The following GPC1 variants were observed in gnomAD, a reference collection of about 807,000 sequenced individuals.
GPC1 encodes the protein glypican-1.
Under a neutral mutation model 51.5 loss-of-function variants are expected in GPC1, and 26 were observed. That is an observed-to-expected ratio of 0.50 (90% CI 0.37 to 0.70). The LOEUF is 0.70. Ranked by LOEUF, GPC1 falls within the 30% of genes least tolerant of loss-of-function variation. The probability of loss-of-function intolerance (pLI) is 0.00; values close to 1 mark genes in which losing one functional copy is unlikely to be tolerated. For synonymous variants in GPC1, 380 were observed against 348.3 expected, an observed-to-expected ratio of 1.09 and a Z score of -1.01; for missense variants, 775 against 800.5, an observed-to-expected ratio of 0.97 and a Z score of 0.38.
intron 3 of GPC1, 89 bp from the exon 4 acceptor site, chr2:240,463,258 G>GC: frequency 8.7e-7 from 1 of 1,145,230 alleles, no homozygotes; most frequent in Admixed American, 2.1e-5. Context: ...TCCCTCCAGA[G>GC]CCCCCTACCC....
chr2:240,455,858 A>C (rs2074154734), intron 1 of GPC1: 3 of 285,526 alleles, frequency 1.1e-5, no homozygotes, highest in South Asian at 7.8e-5. Context: ...GGAGCTCCGC[A>C]GAAGGAAGCC....
chr2:240,466,289 A>G lies in GPC1; in HGVS notation c.1676A>G (p.Ter559=). 1 of 1,546,624 alleles carries G rather than the reference A, an allele frequency of 6.5e-7. No individual in the cohort carries two copies. Among genetic ancestry groups the G allele is most frequent in the Non-Finnish European group, 8.9e-7 (1 of 1,119,346 alleles). ...ALTVARPRWR[*] ...ACAGTAGCCAGGCCCCGGTGGCGGT[A>G]ACTGCCCCAAGGCCCCAGGGACAGA... Residue 559 remains the stop codon, a stop_retained_variant, in exon 9 of 9, where the codon TAA becomes TGA. Transcript: ENST00000264039.
Position 240,462,387 on chromosome 2 carries a change from C to G in GPC1, c.522C>G (p.Leu174=). The G allele has an allele frequency of 6.3e-7, 1 of 1,596,302 alleles. No individual in the cohort carries two copies. Among genetic ancestry groups the G allele is most frequent in the Non-Finnish European group, 8.5e-7 (1 of 1,172,134 alleles). The change falls in exon 3 of 9, where the codon CTC becomes CTG. Residue 174 remains leucine, a synonymous_variant. Coordinates refer to ENST00000264039, the MANE Select transcript of GPC1 (RefSeq NM_002081.3). ...TCTGGGCCCGCCTGCTCGAGCGCCT[C>G]TTCAAGCAGCTGCACCCCCAGCTGC... ...AEFWARLLER[L]FKQLHPQLLL...
At chr2:240,464,246 A>G (rs1352778798) in intron 4 of GPC1, 4 of 308,290 alleles carry the variant, frequency 1.3e-5, no homozygotes, top group African/African-American at 2.1e-5. Context: ...CATACACACC[A>G]GCTCACACGG....
intron 1 of GPC1, among the ~76,000 whole-genome samples, chr2:240,439,059 T>C (rs2074001821): frequency 6.6e-6 from 1 of 152,180 alleles, no homozygotes; most frequent in Admixed American, 6.5e-5. Flanking sequence ...GCATAGGTGT[T>C]CCCAGAGCAC....
intron 1 of GPC1, chr2:240,457,383 CTT>C: frequency 2.2e-6 from 1 of 460,854 alleles, no homozygotes; most frequent in Middle Eastern, 3.3e-4. Context: ...GTTCCCTTCT[CTT>C]GTCTCGGGCT....
rs372723073 is a variant in GPC1 at position 240,462,561 on chromosome 2, C to T, written c.696C>T (p.Asp232=). ...TGCAGGGCCTGGGCGTGGCCAGCGACGTGGTCCGGAAAGTGGCTCAGGTGC... is the reference window on the plus strand; with the variant it reads ...TGCAGGGCCTGGGCGTGGCCAGCGATGTGGTCCGGAAAGTGGCTCAGGTGC... ...SFVQGLGVAS[D]VVRKVAQVPL... The change falls in exon 3 of 9, where the codon GAC becomes GAT. Residue 232 remains aspartate (D), a synonymous_variant. Coordinates refer to ENST00000264039, the MANE Select transcript of GPC1 (RefSeq NM_002081.3). 45 of 1,530,832 alleles carry T rather than the reference C, an allele frequency of 2.9e-5. No individual in the cohort carries two copies. The highest frequency in any genetic ancestry group is 2.5e-4 in the East Asian group (11 of 44,032). 94.8% of individuals were successfully genotyped at this position (1,530,832 alleles called of 1,614,324 possible).
intron 1 of GPC1, chr2:240,453,006 G>C (rs2151790946): frequency 2.8e-6 from 1 of 353,108 alleles, no homozygotes; most frequent in Admixed American, 3.6e-5. Context: ...AGCCGCTGGA[G>C]CCGCCGCTGC....
intron 1 of GPC1, among the ~76,000 whole-genome samples, chr2:240,443,204 G>A (rs535542265): frequency 2.6e-5 from 4 of 152,372 alleles, no homozygotes; most frequent in South Asian, 2.1e-4. Context: ...GTTGCGTTGC[G>A]GGAGCCCAGG....
In GPC1 at chr2:240,436,057, A is replaced by G; in HGVS notation, c.139A>G (p.Ser47Gly). Reference protein sequence around the residue: ...QIYGAKGFSLSDVPQAEISGE... With the variant: ...QIYGAKGFSLGDVPQAEISGE... ...CTACGGAGCCAAGGGCTTCAGCCTG[A>G]GCGACGTGCCCCAGGCGGAGATCTC... Residue 47 changes from serine (S) to glycine (G), a missense_variant, in exon 1 of 9, where the codon AGC (serine) becomes GGC (glycine). Coordinates refer to ENST00000264039, the MANE Select transcript of GPC1 (RefSeq NM_002081.3). 7.5e-7 allele frequency: 1 copy of G among 1,334,014 alleles called. No homozygotes were observed. The allele number at this position is 1,334,014 out of a possible 1,614,324, so 82.6% of individuals were successfully genotyped here.
At chr2:240,461,031 G>T (rs908900735) in intron 2 of GPC1, among the ~76,000 whole-genome samples, 5 of 151,094 alleles carry the variant, frequency 3.3e-5, no homozygotes, top group Admixed American at 6.6e-5. Flanking sequence ...GTTCTGGCAG[G>T]AGGTAGAGCT....
rs748780028 is a variant in GPC1, at chr2:240,455,969, C to T, written c.167-3061C>T. ...TGCCCGAGGCTCCCAGGCCTTCGCC[C>T]GCCTTGCGTCCAGCCTGCCGGGGGC... is the stretch of plus-strand genomic sequence containing the variant. On this transcript the variant is annotated intron_variant, in intron 1 of 8. Coordinates refer to ENST00000264039, the MANE Select transcript of GPC1 (RefSeq NM_002081.3). The T allele has an allele frequency of 6.4e-5, 27 of 419,698 alleles. 1 individual carries two copies. Among genetic ancestry groups the T allele is most frequent in the African/African-American group, 1.1e-4 (5 of 45,492 alleles). 26.0% of individuals were successfully genotyped at this position (419,698 alleles called of 1,614,324 possible). A position where few individuals can be genotyped will look rare whatever the true frequency, so the allele number is the denominator to read the frequency against.
intron 4 of GPC1, chr2:240,464,210 G>A: frequency 3.9e-6 from 1 of 259,170 alleles, no homozygotes; most frequent in Non-Finnish European, 7.7e-6. Flanking sequence ...GGTGTACATG[G>A]GGGGGGCATG....
chr2:240,463,254 C>A, intron 3 of GPC1, 93 bp from the exon 4 acceptor site: 1 of 1,118,306 alleles, frequency 8.9e-7, no homozygotes, highest in Non-Finnish European at 1.3e-6. Context: ...GACTTCCCTC[C>A]AGAGCCCCCT....
At chr2:240,436,494 G>T (rs2073985160) in intron 1 of GPC1, among the ~76,000 whole-genome samples, 1 of 152,134 alleles carries the variant, frequency 6.6e-6, no homozygotes, top group Non-Finnish European at 1.5e-5. Flanking sequence ...CTGTCGGGGC[G>T]CTGTGGGGCT....
chr2:240,450,108 A>G (rs1559196601), intron 1 of GPC1: 1 of 346,162 alleles, frequency 2.9e-6, no homozygotes, highest in East Asian at 7.8e-5. Flanking sequence ...TCTGAAATTC[A>G]GATGTAACTG....
chr2:240,451,549 G>A, intron 1 of GPC1: 1 of 287,286 alleles, frequency 3.5e-6, no homozygotes, highest in South Asian at 2.9e-5. Flanking sequence ...AGCCAAGGAG[G>A]AGAAAGGCTG....
At position 240,464,848 on chromosome 2, in the gene GPC1, C is replaced by A; in HGVS notation, c.1015-8C>A. ...CTACCCCCCAAGGACCCTGCAGTGTCTCTCCAGGTCATCCAGGGCTGCGGG... is the reference window on the plus strand; with the variant it reads ...CTACCCCCCAAGGACCCTGCAGTGTATCTCCAGGTCATCCAGGGCTGCGGG... On this transcript the variant is annotated splice_polypyrimidine_tract_variant and splice_region_variant and intron_variant, in intron 5 of 8. Transcript: ENST00000264039. 6.4e-7 allele frequency: 1 copy of A among 1,558,378 alleles called. No homozygotes were observed. Among genetic ancestry groups the A allele is most frequent in the Non-Finnish European group, 8.7e-7 (1 of 1,150,352 alleles).
At chr2:240,460,504 C>T (rs937921406) in intron 2 of GPC1, among the ~76,000 whole-genome samples, 7 of 152,180 alleles carry the variant, frequency 4.6e-5, no homozygotes, top group African/African-American at 1.7e-4. Flanking sequence ...CCCTCTCCTG[C>T]TAATACCCTT....
Sources: allele counts gnomAD v4.1 joint callset (sites outside exome capture counted in the v4.1 genomes callset), GRCh38; gene constraint gnomAD v4.1.1; transcripts MANE v1.5; gene names NCBI Gene and HGNC (gene_info 2026-07-23, HGNC 2026-07-21).